The following RNF213 variants were observed in gnomAD, a reference collection of about 807,000 sequenced individuals.
RNF213 encodes the protein ring finger protein 213.
A neutral mutation model predicts 514.4 loss-of-function variants in RNF213; 341 were observed. That is an observed-to-expected ratio of 0.66 (90% CI 0.61 to 0.73). RNF213 has a LOEUF of 0.73. Among genes scored for constraint, RNF213 ranks in the 30% least tolerant of loss-of-function variants. The pLI is 0.00. For synonymous variants in RNF213, 2,655 were observed against 2,658.2 expected (o/e 1.00, Z 0.04); for missense variants, 5,767 against 6,615.6 (o/e 0.87, Z 4.45).
intron 58 of RNF213, 46 bp downstream of exon 58, chr17:80,383,116 G>A (rs746188573): frequency 7.2e-7 from 1 of 1,390,456 alleles, no homozygotes; most frequent in East Asian, 2.3e-5. Context: ...GGTCCAGAAA[G>A]GAAGGGTCCC....
Position 80,345,348 on chromosome 17 carries a change from G to T in RNF213, c.7013G>T (p.Gly2338Val). Residue 2338 changes from glycine (G) to valine (V), a missense_variant, in exon 29 of 68, where the codon GGG becomes GTG. Around this residue, in one of 13 missense-constraint regions of RNF213, gnomAD observed 1,377 missense variants for 1,635.2 expected, o/e 0.84. Coordinates refer to ENST00000582970, the MANE Select transcript of RNF213 (RefSeq NM_001256071.3). This position sits in a 1 kb window ranked among gnomAD's most constrained non-coding sequence, Gnocchi z 6.0. ...GSVDAISHLT[G>V]KVIKRDVMTR... ...GTCGATGCCATCAGTCACTTGACTG[G>T]GAAGGTCATCAAGAGAGACGTCATG... 6.2e-7 allele frequency: 1 copy of T among 1,614,066 alleles called. No individual in the cohort carries two copies. The highest frequency in any genetic ancestry group is 8.5e-7 in the Non-Finnish European group (1 of 1,180,028).
Position 80,396,465 on chromosome 17 carries a change from G to A in RNF213, c.*2967G>A, listed in dbSNP as rs922451806. ...GTCAGCTCAGGGCCAAGTAGGTAAAGCCACCCAAGTCTAGCCATGCACACA... is the reference window on the plus strand; with the variant it reads ...GTCAGCTCAGGGCCAAGTAGGTAAAACCACCCAAGTCTAGCCATGCACACA... On this transcript the variant is annotated 3_prime_UTR_variant, in exon 68 of 68. Transcript: ENST00000582970. 6.6e-6 allele frequency: 1 copy of A among 152,152 alleles called. No homozygotes were observed. Among genetic ancestry groups the A allele is most frequent in the Non-Finnish European group, 1.5e-5 (1 of 68,026 alleles). 9.4% of individuals were successfully genotyped at this position (152,152 alleles called of 1,614,324 possible).
chr17:80,313,499 G>T (rs1049564053), intron 15 of RNF213, among the ~76,000 whole-genome samples: 1 of 15,652 alleles, frequency 6.4e-5, no homozygotes, highest in African/African-American at 2.8e-4. Context: ...GGTTGGTGGT[G>T]GTGGTGGTAG....
At chr17:80,319,670 C>A in intron 17 of RNF213, 1 of 1,452,292 alleles carries the variant, frequency 6.9e-7, no homozygotes, top group Non-Finnish European at 9.1e-7. Flanking sequence ...AGTAGGTGTG[C>A]GGGAAGAGAC....
Position 80,260,863 on chromosome 17 carries a change from G to A in RNF213, c.-148G>A, listed in dbSNP as rs1212374913. 1 of 149,392 alleles carries A rather than the reference G, an allele frequency of 6.7e-6. No homozygotes were observed. The highest frequency in any genetic ancestry group is 6.7e-5 in the Admixed American group (1 of 14,952). 9.3% of individuals were successfully genotyped at this position (149,392 alleles called of 1,614,324 possible). A position where few individuals can be genotyped will look rare whatever the true frequency, so the allele number is the denominator to read the frequency against. On this transcript the variant is annotated 5_prime_UTR_variant, in exon 1 of 68. Transcript: ENST00000582970. ...GGGCCCAGGGCCCCGTGACCCGAGG[G>A]GCGACAGCGCGCGGCAGGCGGCGAG...
At position 80,356,022 on chromosome 17, in the gene RNF213, GA is replaced by G. The variant is rs1218408919; in HGVS notation, c.10862+1447del. ...TCTCTTGATGCTTTTTTTTTTTTGA[GA>G]CGGAGTCTCACTCTGTCGCCCAGGC... On this transcript the variant is annotated intron_variant, in intron 36 of 67. Transcript: ENST00000582970. Among the ~76,000 whole-genome samples the G allele has an allele frequency of 2.8e-5, 4 of 140,668 alleles. No individual in the cohort carries two copies. The East Asian group carries it at 8.1e-4, about 29-fold the overall frequency. 92.3% of individuals were successfully genotyped at this position (140,668 alleles called of 152,430 possible).
In RNF213 at chr17:80,390,155, CCCCCAA is replaced by C. The variant is rs1228715247; in HGVS notation, c.15430_15435del (p.Pro5144_Gln5145del). 1 of 1,614,176 alleles carries C rather than the reference CCCCCAA, an allele frequency of 6.2e-7. No homozygotes were observed. The highest frequency in any genetic ancestry group is 1.7e-5 in the Admixed American group (1 of 60,022). On this transcript the variant is annotated inframe_deletion, in exon 67 of 68. Coordinates refer to ENST00000582970, the MANE Select transcript of RNF213 (RefSeq NM_001256071.3). ...AAATGATAATCTTGAAACTAAAGAA[CCCCCAA>C]ACCCAAACCGAGGAGCGCTTCCGCC...
At chr17:80,348,319 C>G (rs1599080389) in intron 29 of RNF213, 33 bp downstream of exon 29, 18 of 1,604,616 alleles carry the variant, frequency 1.1e-5, no homozygotes, top group Non-Finnish European at 1.5e-5. Context: ...ACCCTATCCC[C>G]TGTCACCCAA....
intron 23 of RNF213, 121 bp downstream of exon 23, chr17:80,336,499 C>T (rs1310332342): frequency 4.1e-5 from 35 of 847,740 alleles, no homozygotes; most frequent in Non-Finnish European, 6.6e-5. Context: ...CAGCCGTTTT[C>T]AATGATATTT....
intron 2 of RNF213, among the ~76,000 whole-genome samples, chr17:80,265,966 G>T (rs907224292): frequency 3.9e-5 from 6 of 152,166 alleles, no homozygotes; most frequent in Non-Finnish European, 8.8e-5. Flanking sequence ...TTCAAGTTGG[G>T]ATGGGGACAT....
At chr17:80,375,316 A>G (rs2079703189) in intron 50 of RNF213, among the ~76,000 whole-genome samples, 1 of 152,236 alleles carries the variant, frequency 6.6e-6, no homozygotes, top group Non-Finnish European at 1.5e-5. Flanking sequence ...CCAGGCCTGG[A>G]AAAGGCTCCT....
chr17:80,358,651 C>T (rs1276566415), intron 37 of RNF213, among the ~76,000 whole-genome samples, 172 bp downstream of exon 37: 1 of 152,204 alleles, frequency 6.6e-6, no homozygotes, highest in Non-Finnish European at 1.5e-5. Flanking sequence ...TGGCTCACGC[C>T]TGTAATCCCA....
intron 22 of RNF213, 164 bp downstream of exon 22, chr17:80,334,434 A>G: frequency 1.4e-6 from 1 of 707,668 alleles, no homozygotes; most frequent in Non-Finnish European, 2.3e-6. Context: ...CACTGATCAT[A>G]GAGTTCACAC....
intron 10 of RNF213, among the ~76,000 whole-genome samples, chr17:80,296,366 C>G (rs1897965391): frequency 6.6e-6 from 1 of 152,192 alleles, no homozygotes; most frequent in African/African-American, 2.4e-5. Flanking sequence ...TGAGCAGCCT[C>G]TGTGTGCGCG....
At chr17:80,276,138 G>A (rs1344061752) in intron 3 of RNF213, among the ~76,000 whole-genome samples, 1 of 151,272 alleles carries the variant, frequency 6.6e-6, no homozygotes, top group Non-Finnish European at 1.5e-5. Flanking sequence ...TTTCGCTCCT[G>A]TTGCCAAGCT....
Position 80,347,934 on chromosome 17 carries a change from A to G in RNF213, c.9599A>G (p.Asn3200Ser), listed in dbSNP as rs1961230977. ...TGTGCGTGGGTGGAGAAGTTCATCA[A>G]TGTCAAAGCACATCATTTCCAGAAG... ...ELCAWVEKFI[N>S]VKAHHFQKRH... Residue 3200 changes from asparagine (N) to serine (S), a missense_variant, in exon 29 of 68, where the codon AAT (asparagine) becomes AGT (serine). This residue lies in a region of RNF213 where 919 missense variants were observed against 1,121.0 expected (regional missense o/e 0.82). Coordinates refer to ENST00000582970, the MANE Select transcript of RNF213 (RefSeq NM_001256071.3). The surrounding 1 kb of genome is among the most constrained non-coding windows in gnomAD (Gnocchi z 7.2). The G allele has an allele frequency of 1.9e-6, 3 of 1,613,846 alleles. No homozygotes were observed. The highest frequency in any genetic ancestry group is 1.3e-5 in the African/African-American group (1 of 74,912).
chr17:80,302,563 A>G (rs1483006570), intron 11 of RNF213, among the ~76,000 whole-genome samples: 1 of 152,214 alleles, frequency 6.6e-6, no homozygotes, highest in Non-Finnish European at 1.5e-5. Context: ...CAGTTTAAAA[A>G]TAATAAAAGC....
intron 3 of RNF213, among the ~76,000 whole-genome samples, chr17:80,279,469 T>G (rs1488719276): frequency 2.6e-5 from 4 of 151,796 alleles, no homozygotes; most frequent in East Asian, 1.9e-4. Flanking sequence ...TCTTTCTTTC[T>G]TTCTTTTTTT....
intron 11 of RNF213, among the ~76,000 whole-genome samples, chr17:80,301,730 T>C (rs1383670593): frequency 6.6e-6 from 1 of 152,020 alleles, no homozygotes; most frequent in African/African-American, 2.4e-5. Context: ...AGTATAAAGG[T>C]TCCTGAAGAA....
Sources: gnomAD v4.1 joint callset for allele counts (sites outside exome capture counted in the v4.1 genomes callset) on GRCh38, gnomAD v4.1.1 for gene constraint, gnomAD v4.1.1 regional missense constraint, Gnocchi (gnomAD v3.1) non-coding constraint, MANE v1.5 for transcripts, NCBI Gene and HGNC (gene_info 2026-07-23, HGNC 2026-07-21) for gene names.